The following GRIK3 variants were observed in gnomAD, a reference collection of about 807,000 sequenced individuals.
GRIK3 encodes the protein glutamate ionotropic receptor kainate type subunit 3.
In GRIK3, 29 loss-of-function variants were observed where a neutral mutation model predicts 102.5. The observed-to-expected ratio is 0.28, with a 90% CI of 0.21 to 0.39. The LOEUF is 0.39. GRIK3 is among the 10% of genes least tolerant of loss of function. The pLI, the probability that GRIK3 is intolerant of heterozygous loss-of-function variation, is 1.00. For synonymous variants in GRIK3, 511 were observed against 504.9 expected, an observed-to-expected ratio of 1.01 and a Z score of -0.16; for missense variants, 908 against 1,252.4, an observed-to-expected ratio of 0.73 and a Z score of 4.15.
intron 5 of GRIK3, among the ~76,000 whole-genome samples, chr1:36,861,083 A>C (rs1043272673): frequency 2.0e-5 from 3 of 152,122 alleles, no homozygotes; most frequent in Admixed American, 6.6e-5. Flanking sequence ...TCCAACCTAG[A>C]AGTCTTAGTC....
chr1:37,014,379 A>C (rs1018694444), intron 1 of GRIK3, among the ~76,000 whole-genome samples: 2 of 152,220 alleles, frequency 1.3e-5, no homozygotes, highest in Non-Finnish European at 2.9e-5. Context: ...AGGGATAGGG[A>C]GGGGGAAAGA....
chr1:36,997,586 T>C (rs1570854159), intron 1 of GRIK3, among the ~76,000 whole-genome samples: 2 of 151,910 alleles, frequency 1.3e-5, no homozygotes, highest in Admixed American at 1.3e-4. Context: ...GCGGTGGAGG[T>C]GCCCCCAGGC....
chr1:36,903,881 T>C (rs2124286582), intron 1 of GRIK3, among the ~76,000 whole-genome samples: 1 of 152,278 alleles, frequency 6.6e-6, no homozygotes, highest in East Asian at 1.9e-4. Flanking sequence ...TATGATACTA[T>C]TATAGTGAAT....
intron 1 of GRIK3, among the ~76,000 whole-genome samples, chr1:36,902,828 T>G (rs1289254544): frequency 6.6e-6 from 1 of 152,170 alleles, no homozygotes; most frequent in Non-Finnish European, 1.5e-5. Context: ...CTTGCTCTGT[T>G]GCCCAGGCTG....
At chr1:36,834,803 C>T (rs935589659) in intron 10 of GRIK3, among the ~76,000 whole-genome samples, 3 of 152,210 alleles carry the variant, frequency 2.0e-5, no homozygotes, top group African/African-American at 4.8e-5. Flanking sequence ...CTAGCACAGT[C>T]CTGCCAGTGC....
chr1:36,835,732 C>G (rs540181697), intron 10 of GRIK3, among the ~76,000 whole-genome samples: 2 of 152,210 alleles, frequency 1.3e-5, no homozygotes, highest in African/African-American at 4.8e-5. Context: ...CTTCTGACCT[C>G]GGTTTCCCCC....
chr1:37,021,030 T>C (rs1642705572), intron 1 of GRIK3, among the ~76,000 whole-genome samples: 1 of 152,184 alleles, frequency 6.6e-6, no homozygotes, highest in South Asian at 2.1e-4. Context: ...TTTTTCCACA[T>C]TGGAAAAGTC....
chr1:36,804,659 T>G (rs1642477957), intron 15 of GRIK3: 2 of 464,558 alleles, frequency 4.3e-6, no homozygotes, highest in Non-Finnish European at 7.5e-6. Context: ...AATGATATGG[T>G]TTGAATTAAG....
At chr1:36,842,967 G>A (rs578150074) in intron 9 of GRIK3, among the ~76,000 whole-genome samples, 2 of 152,232 alleles carry the variant, frequency 1.3e-5, no homozygotes, top group South Asian at 2.1e-4. Context: ...AGAGATGCCT[G>A]TCCCATGCCA....
chr1:36,961,363 G>A (rs1486000139), intron 1 of GRIK3, among the ~76,000 whole-genome samples: 2 of 151,608 alleles, frequency 1.3e-5, no homozygotes, highest in South Asian at 4.2e-4. Flanking sequence ...AATTATCTTT[G>A]TTCTGACAGG....
chr1:36,986,532 GCT>G (rs1374995054), intron 1 of GRIK3, among the ~76,000 whole-genome samples: 1 of 151,942 alleles, frequency 6.6e-6, no homozygotes, highest in East Asian at 1.9e-4. Context: ...TGTTCCCTGA[GCT>G]CTGTCTGTAC....
At chr1:36,956,925 A>T (rs1641918551) in intron 1 of GRIK3, among the ~76,000 whole-genome samples, 1 of 152,258 alleles carries the variant, frequency 6.6e-6, no homozygotes, top group Non-Finnish European at 1.5e-5. Context: ...TTACCCATGC[A>T]TTCATTCACT....
At chr1:36,954,045 C>T (rs1179282568) in intron 1 of GRIK3, among the ~76,000 whole-genome samples, 1 of 152,192 alleles carries the variant, frequency 6.6e-6, no homozygotes, top group Non-Finnish European at 1.5e-5. Context: ...ACCGTTAGTC[C>T]TAAGAGGAAA....
chr1:36,968,940 T>C (rs1354191535), intron 1 of GRIK3, among the ~76,000 whole-genome samples: 1 of 152,038 alleles, frequency 6.6e-6, no homozygotes, highest in Non-Finnish European at 1.5e-5. Context: ...TTTCCAACCC[T>C]CTCCCAAGGG....
intron 1 of GRIK3, among the ~76,000 whole-genome samples, chr1:37,011,721 T>G (rs1332858612): frequency 6.6e-6 from 1 of 152,166 alleles, no homozygotes; most frequent in Non-Finnish European, 1.5e-5. Context: ...CCCAGCACAG[T>G]AGAAGGGCTC....
chr1:36,947,427 C>T lies in GRIK3; in HGVS notation c.116-56331G>A, dbSNP rs563457297. On this transcript the variant is annotated intron_variant, in intron 1 of 15. Transcript: ENST00000373091. Reference sequence around the variant, plus strand: ...TCCTTCCTGCAGCTCTCATCCCATCCGTCCTCTGCTCAAAAGCCTTCAGAG... The same window carrying T: ...TCCTTCCTGCAGCTCTCATCCCATCTGTCCTCTGCTCAAAAGCCTTCAGAG... Among the ~76,000 whole-genome samples the T allele has an allele frequency of 5.3e-5, 8 of 152,238 alleles. No homozygotes were observed. The East Asian group carries it at 9.7e-4, about 18-fold the overall frequency.
In GRIK3 at chr1:36,914,696, G is replaced by A. The variant is rs183471033; in HGVS notation, c.116-23600C>T. ...CACAAGAAGAATAAGAAAGTACAACGGTGAAACTATTTGATCTACTCAGCC... is the reference window on the plus strand; with the variant it reads ...CACAAGAAGAATAAGAAAGTACAACAGTGAAACTATTTGATCTACTCAGCC... On this transcript the variant is annotated intron_variant, in intron 1 of 15. Coordinates refer to ENST00000373091, the MANE Select transcript of GRIK3 (RefSeq NM_000831.4). Among the ~76,000 whole-genome samples the A allele has an allele frequency of 7.9e-5, 12 of 152,278 alleles. No homozygotes were observed. In the East Asian group the frequency reaches 1.5e-3, roughly 20 times the overall value.
chr1:37,014,463 T>C (rs1211977632), intron 1 of GRIK3, among the ~76,000 whole-genome samples: 2 of 152,246 alleles, frequency 1.3e-5, no homozygotes, highest in Admixed American at 1.3e-4. Flanking sequence ...ATAGAGTTCC[T>C]TTTCTGGCAG....
At chr1:37,028,915 C>T (rs78340486) in intron 1 of GRIK3, among the ~76,000 whole-genome samples, 64 of 152,342 alleles carry the variant, frequency 4.2e-4, no homozygotes, top group African/African-American at 1.5e-3. Context: ...TTACTATTTA[C>T]CCACACTATG....
Sources: allele counts gnomAD v4.1 joint callset (sites outside exome capture counted in the v4.1 genomes callset), GRCh38; gene constraint gnomAD v4.1.1; transcripts MANE v1.5; gene names NCBI Gene and HGNC (gene_info 2026-07-23, HGNC 2026-07-21).